PEDS1: variants seen among roughly 807,000 people sequenced by gnomAD.
PEDS1 encodes the protein CarF homolog.
PEDS1 carries 14 observed loss-of-function variants against 35.2 expected under a neutral mutation model. That is an observed-to-expected ratio of 0.40 (90% CI 0.26 to 0.62). The LOEUF (loss-of-function observed/expected upper bound fraction) is 0.62. PEDS1 is among the 20% of genes least tolerant of loss of function. The probability of loss-of-function intolerance (pLI) is 0.44; values close to 1 mark genes in which losing one functional copy is unlikely to be tolerated. For missense variants in PEDS1, 260 were observed against 367.8 expected, an observed-to-expected ratio of 0.71 and a Z score of 2.40; for synonymous variants, 152 against 152.0, an observed-to-expected ratio of 1.00 and a Z score of 0.00.
At chr20:50,136,760 G>C (rs2147285381) in intron 2 of PEDS1, among the ~76,000 whole-genome samples, 1 of 150,014 alleles carries the variant, frequency 6.7e-6, no homozygotes, top group South Asian at 2.1e-4. Flanking sequence ...AGGAAGGCTG[G>C]GCGCATTGGC....
At position 50,128,141 on chromosome 20, in the gene PEDS1, C is replaced by T; in HGVS notation, c.525G>A (p.Leu175=). Reference sequence around the variant, plus strand: ...GGTTGGTGAAGGTGCCGAAGATGATCAGGCAGAAGACGAAGCACTCCCAGG... The same window carrying T: ...GGTTGGTGAAGGTGCCGAAGATGATTAGGCAGAAGACGAAGCACTCCCAGG... ...LYPWECFVFC[L]IIFGTFTNQI... Residue 175 remains leucine (L), a synonymous_variant, in exon 5 of 6, where the codon CTG becomes CTA. Coordinates refer to ENST00000371652, the MANE Select transcript of PEDS1 (RefSeq NM_199129.4). This position sits in a 1 kb window ranked among gnomAD's most constrained non-coding sequence, Gnocchi z 5.2. 2 of 1,614,130 alleles carry T rather than the reference C, an allele frequency of 1.2e-6. No homozygotes were observed. The highest frequency in any genetic ancestry group is 1.7e-6 in the Non-Finnish European group (2 of 1,180,022).
chr20:50,147,831 G>C (rs1021566558), intron 1 of PEDS1, among the ~76,000 whole-genome samples: 1 of 152,190 alleles, frequency 6.6e-6, no homozygotes, highest in African/African-American at 2.4e-5. Flanking sequence ...GAGGTGGGCA[G>C]ATCACGAGGT....
At chr20:50,137,819 C>A (rs1299685425) in intron 2 of PEDS1, among the ~76,000 whole-genome samples, 2 of 152,078 alleles carry the variant, frequency 1.3e-5, no homozygotes, top group African/African-American at 4.8e-5. Context: ...TGCAGTGGGC[C>A]GAGATTGCGC....
At chr20:50,143,161 C>T (rs888935671) in intron 2 of PEDS1, among the ~76,000 whole-genome samples, 3 of 152,006 alleles carry the variant, frequency 2.0e-5, no homozygotes, top group Non-Finnish European at 2.9e-5. Context: ...ACAGCCCAGG[C>T]GGGAGAGGAT....
chr20:50,153,662 G>A lies in PEDS1; in HGVS notation c.-25C>T. 2.5e-6 allele frequency: 3 copies of A among 1,221,150 alleles called. No individual in the cohort carries two copies. The highest frequency in any genetic ancestry group is 3.1e-6 in the Non-Finnish European group (3 of 980,900). 75.6% of individuals were successfully genotyped at this position (1,221,150 alleles called of 1,614,324 possible). On this transcript the variant is annotated 5_prime_UTR_variant, in exon 1 of 6. Transcript: ENST00000371652. Reference sequence around the variant, plus strand: ...TGGCCACTCGCCCGATCGGCCCGGTGCGCTCTGCTGGCGGCGGCGGCGGCA... The same window carrying A: ...TGGCCACTCGCCCGATCGGCCCGGTACGCTCTGCTGGCGGCGGCGGCGGCA...
chr20:50,142,499 G>A (rs985901478), intron 2 of PEDS1, among the ~76,000 whole-genome samples: 10 of 152,172 alleles, frequency 6.6e-5, no homozygotes, highest in African/African-American at 1.7e-4. Flanking sequence ...GTGCTGTGGC[G>A]TGATCTTGGC....
chr20:50,124,863 A>AAG lies in PEDS1; in HGVS notation c.*194_*195insCT. On this transcript the variant is annotated 3_prime_UTR_variant, in exon 6 of 6. Transcript: ENST00000371652. ...TCAGGTGGCTGAGGAGGGGCCGAGG[A>AAG]AAAAAAAAAAAAAGAAATGAAAAAT... is the stretch of plus-strand genomic sequence containing the variant. 5.0e-6 allele frequency: 1 copy of AAG among 201,010 alleles called. No homozygotes were observed. Among genetic ancestry groups the AAG allele is most frequent in the Non-Finnish European group, 9.1e-6 (1 of 109,736 alleles). The allele number at this position is 201,010 out of a possible 1,614,324, so 12.5% of individuals were successfully genotyped here.
Position 50,124,776 on chromosome 20 carries a change from A to G in PEDS1, c.*282T>C, listed in dbSNP as rs761253337. 5.8e-6 allele frequency: 2 copies of G among 343,328 alleles called. No homozygotes were observed. The highest frequency in any genetic ancestry group is 1.1e-5 in the Non-Finnish European group (2 of 179,802). 21.3% of individuals were successfully genotyped at this position (343,328 alleles called of 1,614,324 possible). A position where few individuals can be genotyped will look rare whatever the true frequency, so the allele number is the denominator to read the frequency against. ...GGGCAGGGACGGCAGGCGTGCAGGG[A>G]GTGGGTAAACCTCCTCTCTACCAGG... is the stretch of plus-strand genomic sequence containing the variant. On this transcript the variant is annotated 3_prime_UTR_variant, in exon 6 of 6. Transcript: ENST00000371652.
chr20:50,153,681 G>GGCGGCA lies in PEDS1; in HGVS notation c.-50_-45dup, dbSNP rs946536631. On this transcript the variant is annotated 5_prime_UTR_variant, in exon 1 of 6. Transcript: ENST00000371652. ...CCCGGTGCGCTCTGCTGGCGGCGGC[G>GGCGGCA]GCGGCAGGGCCGCGGAACCGCGGCG... is the stretch of plus-strand genomic sequence containing the variant. 1 of 1,205,248 alleles carries GGCGGCA rather than the reference G, an allele frequency of 8.3e-7. No individual in the cohort carries two copies. The highest frequency in any genetic ancestry group is 1.6e-5 in the African/African-American group (1 of 63,088). The allele number at this position is 1,205,248 out of a possible 1,614,324, so 74.7% of individuals were successfully genotyped here.
In PEDS1 at chr20:50,124,814, A is replaced by C. The variant is rs2081082043; in HGVS notation, c.*244T>G. ...CCTCTCTACCAGGGGAGGCTGGCAGAGTCAGGCTTGCAGATAGAGCAACTC... is the reference window on the plus strand; with the variant it reads ...CCTCTCTACCAGGGGAGGCTGGCAGCGTCAGGCTTGCAGATAGAGCAACTC... On this transcript the variant is annotated 3_prime_UTR_variant, in exon 6 of 6. Transcript: ENST00000371652. 6.9e-6 allele frequency: 3 copies of C among 433,146 alleles called. No individual in the cohort carries two copies. Among genetic ancestry groups the C allele is most frequent in the Non-Finnish European group, 1.3e-5 (3 of 235,794 alleles). The allele number at this position is 433,146 out of a possible 1,614,324, so 26.8% of individuals were successfully genotyped here.
chr20:50,129,592 C>T lies in PEDS1; in HGVS notation c.432G>A (p.Leu144=). 6.2e-7 allele frequency: 1 copy of T among 1,614,098 alleles called. No individual in the cohort carries two copies. Among genetic ancestry groups the T allele is most frequent in the East Asian group, 2.2e-5 (1 of 44,884 alleles). The change falls in exon 4 of 6, where the codon CTG becomes CTA. Residue 144 remains leucine (L), a synonymous_variant. Coordinates refer to ENST00000371652, the MANE Select transcript of PEDS1 (RefSeq NM_199129.4). The surrounding 1 kb of genome is among the most constrained non-coding windows in gnomAD (Gnocchi z 4.2). ...TGTAGGCCATGTTTAGCAGCGGCAG[C>T]AGTGTCACCAGGCAGTTGTCCCCGT... ...ETNGDNCLVT[L]LPLLNMAYKF... is the part of the protein sequence containing the mutation.
At chr20:50,139,743 G>A (rs1367933000) in intron 2 of PEDS1, among the ~76,000 whole-genome samples, 2 of 150,148 alleles carry the variant, frequency 1.3e-5, no homozygotes, top group Non-Finnish European at 3.0e-5. Flanking sequence ...GCAATGGGGC[G>A]ATCTTGGCTC....
In PEDS1 at chr20:50,128,116, G is replaced by T; in HGVS notation, c.550C>A (p.Gln184Lys). Residue 184 changes from glutamine to lysine, a missense_variant, in exon 5 of 6, where the codon CAG becomes AAG. By Grantham distance (53) the Gln-to-Lys change is moderately conservative. Coordinates refer to ENST00000371652, the MANE Select transcript of PEDS1 (RefSeq NM_199129.4). The surrounding 1 kb of genome is among the most constrained non-coding windows in gnomAD (Gnocchi z 5.2). ...TACGTGTGCGACCACTTGTGGATCT[G>T]GTTGGTGAAGGTGCCGAAGATGATC... Reference protein sequence around the residue: ...CLIIFGTFTNQIHKWSHTYFG... With the variant: ...CLIIFGTFTNKIHKWSHTYFG... The T allele has an allele frequency of 6.2e-7, 1 of 1,614,188 alleles. No homozygotes were observed. Among genetic ancestry groups the T allele is most frequent in the Non-Finnish European group, 8.5e-7 (1 of 1,180,024 alleles).
rs370448658 is a variant in PEDS1, at chr20:50,128,204, G to T, written c.479-17C>A. 6 of 1,612,036 alleles carry T rather than the reference G, an allele frequency of 3.7e-6. No individual in the cohort carries two copies. The highest frequency in any genetic ancestry group is 4.5e-5 in the East Asian group (2 of 44,810). On this transcript the variant is annotated splice_polypyrimidine_tract_variant and intron_variant, in intron 4 of 5. Coordinates refer to ENST00000371652, the MANE Select transcript of PEDS1 (RefSeq NM_199129.4). This position sits in a 1 kb window ranked among gnomAD's most constrained non-coding sequence, Gnocchi z 5.2. ...CCAGGGCTTCTGCAGGTTGGGGAGA[G>T]GGGGGGCCGGCACAGCTGTCACTCG...
chr20:50,145,329 A>C (rs2081334771), intron 1 of PEDS1, among the ~76,000 whole-genome samples: 1 of 152,214 alleles, frequency 6.6e-6, no homozygotes, highest in East Asian at 1.9e-4. Context: ...CAGGAGTTCA[A>C]GACCAGCTTG....
At chr20:50,141,297 C>G (rs930286082) in intron 2 of PEDS1, among the ~76,000 whole-genome samples, 1 of 152,240 alleles carries the variant, frequency 6.6e-6, no homozygotes, top group African/African-American at 2.4e-5. Flanking sequence ...AACCTCCTCA[C>G]TAGGGTAGCA....
intron 2 of PEDS1, 93 bp downstream of exon 2, chr20:50,143,409 T>A: frequency 6.5e-7 from 1 of 1,527,370 alleles, no homozygotes; most frequent in Non-Finnish European, 8.8e-7. Flanking sequence ...AGCACACACA[T>A]CCATGCATGT....
At chr20:50,136,938 G>C (rs2081242073) in intron 2 of PEDS1, among the ~76,000 whole-genome samples, 1 of 151,906 alleles carries the variant, frequency 6.6e-6, no homozygotes, top group Admixed American at 6.6e-5. Flanking sequence ...GGCTGAAGTG[G>C]GAGGACTGCT....
At chr20:50,153,040 G>A (rs2081421141) in intron 1 of PEDS1, among the ~76,000 whole-genome samples, 1 of 152,000 alleles carries the variant, frequency 6.6e-6, no homozygotes, top group Non-Finnish European at 1.5e-5. Flanking sequence ...GCCTGGGCTA[G>A]GGCACAGAGG....
Sources: gnomAD v4.1 joint callset for allele counts (sites outside exome capture counted in the v4.1 genomes callset) on GRCh38, gnomAD v4.1.1 for gene constraint, Gnocchi (gnomAD v3.1) non-coding constraint, MANE v1.5 for transcripts, NCBI Gene and HGNC (gene_info 2026-07-23, HGNC 2026-07-21) for gene names.